Variants in ARHGEF10 observed in about 807,000 individuals in gnomAD.
The protein encoded by ARHGEF10 is Rho guanine nucleotide exchange factor 10.
A neutral mutation model predicts 147.4 loss-of-function variants in ARHGEF10; 140 were observed. That is an observed-to-expected ratio of 0.95 (90% CI 0.83 to 1.09). The LOEUF is 1.09. ARHGEF10 is among the 50% of genes least tolerant of loss of function. The probability of loss-of-function intolerance (pLI) is 0.00; values close to 1 mark genes in which losing one functional copy is unlikely to be tolerated. For synonymous variants in ARHGEF10, 902 were observed against 695.8 expected, an observed-to-expected ratio of 1.30 and a Z score of -4.67; for missense variants, 2,222 against 1,752.7, an observed-to-expected ratio of 1.27 and a Z score of -4.78.
chr8:1,896,099 C>G (rs1809949104), intron 13 of ARHGEF10, among the ~76,000 whole-genome samples: 1 of 152,112 alleles, frequency 6.6e-6, no homozygotes, highest in Non-Finnish European at 1.5e-5. Flanking sequence ...TGGTTTTGAA[C>G]AAGGATGTCA....
intron 1 of ARHGEF10, among the ~76,000 whole-genome samples, chr8:1,834,416 C>T (rs1803459094): frequency 6.6e-6 from 1 of 152,064 alleles, no homozygotes; most frequent in African/African-American, 2.4e-5. Context: ...GAGCTGGAGA[C>T]ACAGGCCCAG....
At chr8:1,929,487 C>G in intron 25 of ARHGEF10, 44 bp downstream of exon 25, 1 of 1,563,000 alleles carries the variant, frequency 6.4e-7, no homozygotes, top group Non-Finnish European at 8.6e-7. Context: ...TTGGGGTTCA[C>G]TCAGGGGACT....
chr8:1,910,707 G>T (rs1811292802), intron 18 of ARHGEF10, among the ~76,000 whole-genome samples: 1 of 152,130 alleles, frequency 6.6e-6, no homozygotes, highest in African/African-American at 2.4e-5. Flanking sequence ...CCTTGTTAAA[G>T]ATTTTTAAAA....
intron 1 of ARHGEF10, among the ~76,000 whole-genome samples, chr8:1,839,952 G>A (rs1213794708): frequency 1.3e-5 from 2 of 149,018 alleles, no homozygotes; most frequent in Admixed American, 6.7e-5. Context: ...GGGACTGTCC[G>A]GTGTGGAAGC....
At chr8:1,897,327 A>G (rs746607987) in intron 14 of ARHGEF10, among the ~76,000 whole-genome samples, 2 of 152,120 alleles carry the variant, frequency 1.3e-5, no homozygotes, top group Non-Finnish European at 2.9e-5. Context: ...GAGGTTTGCT[A>G]AGGGATCGGA....
intron 4 of ARHGEF10, among the ~76,000 whole-genome samples, chr8:1,862,305 G>T (rs1038669457): frequency 1.3e-5 from 2 of 152,270 alleles, no homozygotes; most frequent in African/African-American, 4.8e-5. Context: ...TGCGGTGGGA[G>T]GTTGCAGAGC....
At chr8:1,930,277 C>T (rs1225959417) in intron 25 of ARHGEF10, among the ~76,000 whole-genome samples, 1 of 152,064 alleles carries the variant, frequency 6.6e-6, no homozygotes, top group East Asian at 1.9e-4. Context: ...GACGCCTTGG[C>T]GGGTCCTGTT....
rs367690979 is a variant in ARHGEF10 at position 1,922,999 on chromosome 8, G to A, written c.2179G>A (p.Asp727Asn). 1 of 1,613,470 alleles carries A rather than the reference G, an allele frequency of 6.2e-7. No individual in the cohort carries two copies. The highest frequency in any genetic ancestry group is 8.5e-7 in the Non-Finnish European group (1 of 1,179,914). The change falls in exon 19 of 29, where the codon GAT becomes AAT. Residue 727 changes from aspartate to asparagine, a missense_variant. Physicochemically the swap from Asp to Asn is conservative, Grantham distance 23. Transcript: ENST00000349830. Reference protein sequence around the residue: ...VYMGPGQLYQDLQNLLHDLNV... With the variant: ...VYMGPGQLYQNLQNLLHDLNV... The stretch of plus-strand genomic sequence containing the variant: ...CATGGGGCCAGGACAACTGTATCAA[G>A]ATTTACAAAACTTGTTGCATGACTT...
intron 2 of ARHGEF10, among the ~76,000 whole-genome samples, chr8:1,849,378 A>T (rs1323864107): frequency 6.6e-6 from 1 of 151,162 alleles, no homozygotes; most frequent in Admixed American, 6.6e-5. Flanking sequence ...ACGTGGACAC[A>T]GAAGGCAAAT....
At chr8:1,825,556 A>C (rs1490132459) in intron 1 of ARHGEF10, among the ~76,000 whole-genome samples, 1 of 149,908 alleles carries the variant, frequency 6.7e-6, no homozygotes, top group African/African-American at 2.5e-5. Context: ...CAAGAAGCCA[A>C]GGTAGATTCT....
In ARHGEF10 at chr8:1,906,306, G is replaced by T. The variant is rs117654957; in HGVS notation, c.1967+590G>T. Among the ~76,000 whole-genome samples the T allele has an allele frequency of 7.9e-3, 1,209 of 152,274 alleles. 10 individuals carry two copies. Among genetic ancestry groups the T allele is most frequent in the Non-Finnish European group, 0.012 (799 of 68,018 alleles). Reference sequence around the variant, plus strand: ...TGGTGCTGTAGAAAATAATGCAAGCGAACGTGGTGCCAATTCGTCATGTCT... The same window carrying T: ...TGGTGCTGTAGAAAATAATGCAAGCTAACGTGGTGCCAATTCGTCATGTCT... On this transcript the variant is annotated intron_variant, in intron 17 of 28. Transcript: ENST00000349830.
At position 1,945,470 on chromosome 8, in the gene ARHGEF10, C is replaced by T. The variant is rs766181358; in HGVS notation, c.3223-11C>T. ...CACGGGGCTAGCAGACTTGACCTCT[C>T]GATTTCACAGGGTCAGCTGGAGGCC... On this transcript the variant is annotated splice_polypyrimidine_tract_variant and intron_variant, in intron 26 of 28. Coordinates refer to ENST00000349830, the MANE Select transcript of ARHGEF10 (RefSeq NM_014629.4). 9.1e-5 allele frequency: 144 copies of T among 1,580,934 alleles called. No homozygotes were observed. The highest frequency in any genetic ancestry group is 1.2e-4 in the Non-Finnish European group (135 of 1,163,622).
At chr8:1,877,235 T>C (rs1430232726) in intron 8 of ARHGEF10, among the ~76,000 whole-genome samples, 1 of 152,206 alleles carries the variant, frequency 6.6e-6, no homozygotes, top group East Asian at 1.9e-4. Flanking sequence ...TTTTTTCTTT[T>C]TCTTTTTTTT....
chr8:1,844,414 T>C (rs1804357636), intron 2 of ARHGEF10, among the ~76,000 whole-genome samples: 1 of 152,040 alleles, frequency 6.6e-6, no homozygotes. Flanking sequence ...GACGGGAGAA[T>C]CCAGGGGTCA....
In ARHGEF10 at chr8:1,841,872, G is replaced by A. The variant is rs868172779; in HGVS notation, c.-47-1481G>A. On this transcript the variant is annotated intron_variant, in intron 1 of 28. Transcript: ENST00000349830. ...GGCCGCGGCGGGAACTGGGGCCGCG[G>A]CGGGAACTGGGGCCGCGGCGGGAAC... 5.3e-3 allele frequency among the ~76,000 whole-genome samples: 572 copies of A among 106,958 alleles called. 7 individuals carry two copies. Among genetic ancestry groups the A allele is most frequent in the African/African-American group, 0.012 (326 of 27,512 alleles). 70.2% of individuals were successfully genotyped at this position (106,958 alleles called of 152,430 possible).
chr8:1,954,801 A>T (rs1413462078), intron 28 of ARHGEF10, among the ~76,000 whole-genome samples: 1 of 152,216 alleles, frequency 6.6e-6, no homozygotes, highest in African/African-American at 2.4e-5. Flanking sequence ...GCATTTTCCT[A>T]GCTGTCCCAT....
At chr8:1,873,009 G>A (rs1357838851) in intron 7 of ARHGEF10, among the ~76,000 whole-genome samples, 2 of 152,194 alleles carry the variant, frequency 1.3e-5, no homozygotes, top group African/African-American at 4.8e-5. Flanking sequence ...CATTCCTCGC[G>A]GAAGGCGTGG....
At chr8:1,879,193 C>T (rs142840331) in intron 8 of ARHGEF10, among the ~76,000 whole-genome samples, 23 of 152,242 alleles carry the variant, frequency 1.5e-4, no homozygotes, top group African/African-American at 5.3e-4. Context: ...GCCTCAGCCA[C>T]GTGCATCTGA....
At chr8:1,838,571 C>T (rs543208851) in intron 1 of ARHGEF10, among the ~76,000 whole-genome samples, 2 of 152,384 alleles carry the variant, frequency 1.3e-5, no homozygotes, top group Admixed American at 6.5e-5. Context: ...CAAAGAGCCA[C>T]GCACTCTTCA....
Sources: allele counts gnomAD v4.1 joint callset (sites outside exome capture counted in the v4.1 genomes callset), GRCh38; gene constraint gnomAD v4.1.1; transcripts MANE v1.5; gene names NCBI Gene and HGNC (gene_info 2026-07-23, HGNC 2026-07-21).